Variants in VWA3B observed in about 807,000 individuals in gnomAD.
The protein encoded by VWA3B is von Willebrand factor A domain containing 3B.
VWA3B carries 138 observed loss-of-function variants against 158.3 expected under a neutral mutation model. The observed-to-expected ratio is 0.87, with a 90% CI of 0.76 to 1.00. The LOEUF is 1.00. Ranked by LOEUF, VWA3B falls within the 50% of genes least tolerant of loss-of-function variation. The pLI is 0.00. For synonymous variants in VWA3B, 596 were observed against 587.3 expected (o/e 1.01, Z -0.21); for missense variants, 1,555 against 1,565.1 (o/e 0.99, Z 0.11).
At chr2:98,266,850 CTGTTATTGGTGTA>C (rs1202575664) in intron 21 of VWA3B, among the ~76,000 whole-genome samples, 2 of 147,696 alleles carry the variant, frequency 1.4e-5, no homozygotes, top group African/African-American at 5.0e-5. Flanking sequence ...CTCTGTTTGT[CTGTTATTGGTGTA>C]TAAGAATGCT....
chr2:98,134,095 T>G (rs937326400), intron 7 of VWA3B, 156 bp downstream of exon 7: 22 of 653,296 alleles, frequency 3.4e-5, no homozygotes, highest in Admixed American at 2.6e-5. Flanking sequence ...ATATTAGTGG[T>G]GAGTTTGTCA....
chr2:98,197,778 T>G (rs951984442), intron 12 of VWA3B, among the ~76,000 whole-genome samples: 1 of 152,124 alleles, frequency 6.6e-6, no homozygotes, highest in Non-Finnish European at 1.5e-5. Context: ...TAGCATTTCT[T>G]GATTTTCTGT....
In VWA3B at chr2:98,102,727, T is replaced by G. The variant is rs555453182; in HGVS notation, c.196+9439T>G. Among the ~76,000 whole-genome samples, 764 of 152,338 alleles carry G rather than the reference T, an allele frequency of 5.0e-3. 3 individuals carry two copies. Among genetic ancestry groups the G allele is most frequent in the South Asian group, 0.011 (55 of 4,826 alleles). On this transcript the variant is annotated intron_variant, in intron 2 of 27. Coordinates refer to ENST00000477737, the MANE Select transcript of VWA3B (RefSeq NM_144992.5). Reference sequence around the variant, plus strand: ...TTGTCAGGTTTCAGCATCAAGATTATGCTGGACTCAAAATGATTTGGAAGT... The same window carrying G: ...TTGTCAGGTTTCAGCATCAAGATTAGGCTGGACTCAAAATGATTTGGAAGT...
At chr2:98,280,888 C>A (rs1037168623) in intron 22 of VWA3B, among the ~76,000 whole-genome samples, 1 of 152,196 alleles carries the variant, frequency 6.6e-6, no homozygotes. Context: ...CCAGATGTGC[C>A]GTACTTGATA....
chr2:98,128,474 G>A, intron 6 of VWA3B, 66 bp downstream of exon 6: 1 of 1,549,874 alleles, frequency 6.5e-7, no homozygotes, highest in Non-Finnish European at 8.8e-7. Context: ...ATCAACAGTG[G>A]GTCTTGCATT....
chr2:98,301,355 T>C (rs940266497), intron 25 of VWA3B, among the ~76,000 whole-genome samples: 3 of 152,056 alleles, frequency 2.0e-5, no homozygotes, highest in African/African-American at 7.2e-5. Context: ...TTCACTCTGC[T>C]CTTTATTGGT....
At position 98,198,989 on chromosome 2, in the gene VWA3B, A is replaced by G. The variant is rs575241555; in HGVS notation, c.1737+4497A>G. On this transcript the variant is annotated intron_variant, in intron 12 of 27. Coordinates refer to ENST00000477737, the MANE Select transcript of VWA3B (RefSeq NM_144992.5). Reference sequence around the variant, plus strand: ...GTAGTACCAGCTACTCGGGAGGCTGAGGCAGGAGAATGGCGTGAATCCAGG... The same window carrying G: ...GTAGTACCAGCTACTCGGGAGGCTGGGGCAGGAGAATGGCGTGAATCCAGG... Among the ~76,000 whole-genome samples, 11 of 152,046 alleles carry G rather than the reference A, an allele frequency of 7.2e-5. 1 individual carries two copies. The South Asian group carries it at 2.3e-3, about 32-fold the overall frequency.
At chr2:98,218,115 AATAGCAACC>A (rs542906358) in intron 14 of VWA3B, 87 bp downstream of exon 14, 14 of 1,382,306 alleles carry the variant, frequency 1.0e-5, no homozygotes, top group Non-Finnish European at 1.2e-5. Flanking sequence ...TCGTTGGGAA[AATAGCAACC>A]ATAGAGATAA....
chr2:98,236,278 T>G (rs1685669620), intron 17 of VWA3B, 112 bp from the exon 18 acceptor site: 1 of 1,147,212 alleles, frequency 8.7e-7, no homozygotes, highest in Non-Finnish European at 1.3e-6. Context: ...TGAAATGTGG[T>G]CCATTTATTA....
At chr2:98,275,336 C>T (rs749995010) in intron 22 of VWA3B, among the ~76,000 whole-genome samples, 2 of 152,100 alleles carry the variant, frequency 1.3e-5, no homozygotes, top group Non-Finnish European at 2.9e-5. Context: ...TGAGAGAGGC[C>T]AATAAACAGC....
chr2:98,109,539 T>C (rs563469546), intron 2 of VWA3B, among the ~76,000 whole-genome samples: 1 of 152,312 alleles, frequency 6.6e-6, no homozygotes, highest in African/African-American at 2.4e-5. Flanking sequence ...CATCAAACAT[T>C]ATTTGTAATA....
At chr2:98,153,011 C>T (rs1440530225) in intron 7 of VWA3B, among the ~76,000 whole-genome samples, 4 of 152,204 alleles carry the variant, frequency 2.6e-5, no homozygotes, top group Non-Finnish European at 4.4e-5. Flanking sequence ...CAGCGTTGGA[C>T]GACATGGCAT....
At chr2:98,281,106 A>G (rs575544125) in intron 22 of VWA3B, among the ~76,000 whole-genome samples, 62 of 152,280 alleles carry the variant, frequency 4.1e-4, no homozygotes, top group African/African-American at 1.5e-3. Context: ...ATTTTCCTGT[A>G]AGCTCTTTTC....
intron 22 of VWA3B, 92 bp downstream of exon 22, chr2:98,270,975 T>C (rs1005266767): frequency 7.3e-6 from 9 of 1,233,992 alleles, no homozygotes; most frequent in East Asian, 2.5e-5. Context: ...TGTCTCCCAC[T>C]CCCCGCCACA....
At chr2:98,286,255 C>T (rs190969784) in intron 22 of VWA3B, among the ~76,000 whole-genome samples, 1 of 151,990 alleles carries the variant, frequency 6.6e-6, no homozygotes, top group African/African-American at 2.4e-5. Flanking sequence ...CTGGAGACAC[C>T]TATTTATTTA....
chr2:98,108,994 C>CTTT (rs56760057), intron 2 of VWA3B, among the ~76,000 whole-genome samples: 12 of 132,576 alleles, frequency 9.1e-5, no homozygotes, highest in African/African-American at 2.0e-4. Flanking sequence ...CTTTTCTTTT[C>CTTT]TTTTTTTTTT....
chr2:98,192,874 A>G, intron 10 of VWA3B, 24 bp from the exon 11 acceptor site: 1 of 1,614,102 alleles, frequency 6.2e-7, no homozygotes. Flanking sequence ...CTCACCATTC[A>G]CTTTCAACCT....
chr2:98,187,153 G>A lies in VWA3B; in HGVS notation c.1312-822G>A, dbSNP rs368502457. ...ACTGTCTCTGGGAGGCTTTCCCTGCGAGGTTCTAACTTGTCCGGTCTCTCC... is the reference window on the plus strand; with the variant it reads ...ACTGTCTCTGGGAGGCTTTCCCTGCAAGGTTCTAACTTGTCCGGTCTCTCC... On this transcript the variant is annotated intron_variant, in intron 9 of 27. Transcript: ENST00000477737. 3.4e-4 allele frequency among the ~76,000 whole-genome samples: 52 copies of A among 152,160 alleles called. No individual in the cohort carries two copies. The East Asian group carries it at 5.8e-3, about 17-fold the overall frequency.
rs757590974 is a variant in VWA3B, at chr2:98,290,622, G to A, written c.3157G>A (p.Gly1053Arg). The A allele has an allele frequency of 3.2e-6, 5 of 1,584,626 alleles. No homozygotes were observed. In the South Asian group the frequency reaches 3.5e-5, roughly 11 times the overall value. Residue 1053 changes from glycine to arginine, a missense_variant and splice_region_variant, in exon 23 of 28, where the codon GGG becomes AGG. Gly to Arg is a moderately radical substitution (Grantham distance 125). Transcript: ENST00000477737. ...RCDENGFYFP[G>R]VVKKCVSRTQ... ...TGATGAAAATGGCTTTTATTTTCCA[G>A]GTAGTTTTTTTTTTTTTAATTTCGT...
Sources: allele counts gnomAD v4.1 joint callset (sites outside exome capture counted in the v4.1 genomes callset), GRCh38; gene constraint gnomAD v4.1.1; transcripts MANE v1.5; gene names NCBI Gene and HGNC (gene_info 2026-07-23, HGNC 2026-07-21).